The following RPS6KA2 variants were observed in gnomAD, a reference collection of about 807,000 sequenced individuals.
RPS6KA2 encodes the protein ribosomal protein S6 kinase alpha-2.
RPS6KA2 carries 42 observed loss-of-function variants against 91.8 expected under a neutral mutation model. That is an observed-to-expected ratio of 0.46 (90% CI 0.36 to 0.59). The LOEUF (loss-of-function observed/expected upper bound fraction) is 0.59, where lower values mean the gene tolerates loss of function less well. RPS6KA2 is among the 20% of genes least tolerant of loss of function. The probability of loss-of-function intolerance (pLI) is 0.00; values close to 1 mark genes in which losing one functional copy is unlikely to be tolerated. For missense variants in RPS6KA2, 798 were observed against 978.5 expected (o/e 0.82, Z 2.46); for synonymous variants, 414 against 393.6 (o/e 1.05, Z -0.61).
rs186791790 is a variant in RPS6KA2 at position 166,701,133 on chromosome 6, C to T, written c.123+157067G>A. 163 of 1,611,944 alleles carry T rather than the reference C, an allele frequency of 1.0e-4. No individual in the cohort carries two copies. The East Asian group carries it at 2.3e-3, about 23-fold the overall frequency. ...ACTGAGGTGGTCCACTTTGCAGAGC[C>T]TTCTGTTGTTGCTGCTGCTTTACCT... is the stretch of plus-strand genomic sequence containing the variant. On this transcript the variant is annotated intron_variant, in intron 2 of 21. Coordinates refer to the RPS6KA2 transcript ENST00000503859.
In RPS6KA2 at chr6:166,410,081, T is replaced by G. The variant is rs1296436302; in HGVS notation, c.*2681A>C. On this transcript the variant is annotated 3_prime_UTR_variant, in exon 21 of 21. Coordinates refer to ENST00000265678, the MANE Select transcript of RPS6KA2 (RefSeq NM_021135.6). Reference sequence around the variant, plus strand: ...GGGCTGCCAGGGAAGGAGGACCCTATAGGGTGGCCAGCAAGGGGCCACTGG... The same window carrying G: ...GGGCTGCCAGGGAAGGAGGACCCTAGAGGGTGGCCAGCAAGGGGCCACTGG... The G allele has an allele frequency of 6.7e-6, 1 of 150,250 alleles. No individual in the cohort carries two copies. Among genetic ancestry groups the G allele is most frequent in the Non-Finnish European group, 1.5e-5 (1 of 67,822 alleles). The allele number at this position is 150,250 out of a possible 1,614,324, so 9.3% of individuals were successfully genotyped here. A position where few individuals can be genotyped will look rare whatever the true frequency, so the allele number is the denominator to read the frequency against.
At chr6:166,669,380 G>T (rs916746875) in intron 2 of RPS6KA2, among the ~76,000 whole-genome samples, 4 of 152,124 alleles carry the variant, frequency 2.6e-5, no homozygotes, top group African/African-American at 9.7e-5. Context: ...TGTGTAGAGG[G>T]TGGGTTTGGA....
rs114054445 is a variant in RPS6KA2 at position 166,687,080 on chromosome 6, C to A, written c.124-148296G>T. Among the ~76,000 whole-genome samples, 579 of 152,306 alleles carry A rather than the reference C, an allele frequency of 3.8e-3. 4 individuals carry two copies. The highest frequency in any genetic ancestry group is 0.013 in the African/African-American group (551 of 41,564). On this transcript the variant is annotated intron_variant, in intron 2 of 21. Coordinates refer to the RPS6KA2 transcript ENST00000503859. ...TCTGCCCTGCCTTCACGGACACCTG[C>A]GACTCTGCCTGGGCCGTGGAGATCC...
intron 2 of RPS6KA2, among the ~76,000 whole-genome samples, chr6:166,724,460 T>C (rs1790278259): frequency 6.6e-6 from 1 of 151,954 alleles, no homozygotes; most frequent in Non-Finnish European, 1.5e-5. Flanking sequence ...AACACCAAAA[T>C]CCTTTTATAC....
chr6:166,651,937 G>A (rs1414994679), intron 2 of RPS6KA2, among the ~76,000 whole-genome samples: 2 of 152,280 alleles, frequency 1.3e-5, no homozygotes, highest in Non-Finnish European at 2.9e-5. Context: ...TGACAACGTG[G>A]AGCCGGGATG....
intron 2 of RPS6KA2, among the ~76,000 whole-genome samples, chr6:166,534,065 A>G (rs1783389296): frequency 6.6e-6 from 1 of 152,100 alleles, no homozygotes; most frequent in Non-Finnish European, 1.5e-5. Context: ...TACTAAAAAT[A>G]CAAAAAATTA....
At chr6:166,788,709 G>A (rs772713117) in intron 2 of RPS6KA2, among the ~76,000 whole-genome samples, 1 of 152,150 alleles carries the variant, frequency 6.6e-6, no homozygotes, top group Non-Finnish European at 1.5e-5. Context: ...AGGGGAGGGA[G>A]AGCATCAGGA....
chr6:166,445,578 C>A lies in RPS6KA2; in HGVS notation c.1332+3146G>T, dbSNP rs1477623216. On this transcript the variant is annotated intron_variant, in intron 14 of 20. Coordinates refer to ENST00000265678, the MANE Select transcript of RPS6KA2 (RefSeq NM_021135.6). The surrounding 1 kb of genome is among the most constrained non-coding windows in gnomAD (Gnocchi z 4.5). ...CATTGCCAGTGTCCCCTGGGGGCCA[C>A]AGTTACCCCAAATGAATATGACTGC... Among the ~76,000 whole-genome samples the A allele has an allele frequency of 6.6e-6, 1 of 152,204 alleles. No homozygotes were observed. Among genetic ancestry groups the A allele is most frequent in the African/African-American group, 2.4e-5 (1 of 41,442 alleles).
chr6:166,841,701 G>C (rs1226411531), intron 2 of RPS6KA2, among the ~76,000 whole-genome samples: 2 of 152,236 alleles, frequency 1.3e-5, no homozygotes, highest in African/African-American at 4.8e-5. Context: ...TAAGGAAAAG[G>C]TGAGAGGGGG....
chr6:166,412,783 T>G lies in RPS6KA2; in HGVS notation c.2181A>C (p.Arg727Ser). Residue 727 changes from arginine (R) to serine (S), a missense_variant, in exon 21 of 21, where the codon AGA becomes AGC. Arg to Ser is a moderately radical substitution (Grantham distance 110, BLOSUM62 -1). Coordinates refer to ENST00000265678, the MANE Select transcript of RPS6KA2 (RefSeq NM_021135.6). The surrounding 1 kb of genome is among the most constrained non-coding windows in gnomAD (Gnocchi z 4.3). ...CCCGCTACAGCCGCGTGGACGTGAG[T>G]CTCTTCATGCCTCTGCGCTGAGCCA... ...SNLAQRRGMK[R>S]LTSTRL is the part of the protein sequence containing the mutation. The G allele has an allele frequency of 6.3e-7, 1 of 1,598,006 alleles. No homozygotes were observed. The highest frequency in any genetic ancestry group is 8.5e-7 in the Non-Finnish European group (1 of 1,174,014).
intron 1 of RPS6KA2, among the ~76,000 whole-genome samples, chr6:166,569,588 T>C (rs928414246): frequency 2.0e-5 from 3 of 152,154 alleles, no homozygotes; most frequent in Non-Finnish European, 4.4e-5. Flanking sequence ...GGACCTGCTC[T>C]CATGAGGGGT....
rs145386371 is a variant in RPS6KA2, at chr6:166,787,587, T to C, written c.123+70613A>G. ...ATTACATTTAAATTTATTTTAAGCA[T>C]TTATACCCTTCACTGGGAAAACTGA... On this transcript the variant is annotated intron_variant, in intron 2 of 21. Transcript: ENST00000503859. Among the ~76,000 whole-genome samples the C allele has an allele frequency of 2.1e-3, 313 of 152,276 alleles. 2 individuals carry two copies. The highest frequency in any genetic ancestry group is 0.014 in the Middle Eastern group (4 of 294).
intron 10 of RPS6KA2, among the ~76,000 whole-genome samples, chr6:166,484,971 C>A (rs187278794): frequency 6.6e-6 from 1 of 152,346 alleles, no homozygotes; most frequent in Admixed American, 6.5e-5. Flanking sequence ...GCCAAGGCAT[C>A]TTCTCATCCT....
intron 2 of RPS6KA2, among the ~76,000 whole-genome samples, chr6:166,760,179 T>G (rs1276725476): frequency 6.6e-6 from 1 of 152,246 alleles, no homozygotes; most frequent in African/African-American, 2.4e-5. Flanking sequence ...TAGGGCAATG[T>G]TCCCAGCTTA....
intron 2 of RPS6KA2, among the ~76,000 whole-genome samples, chr6:166,840,828 T>C (rs913250552): frequency 6.6e-6 from 1 of 151,990 alleles, no homozygotes; most frequent in Non-Finnish European, 1.5e-5. Context: ...CCAGGTGTGG[T>C]GGTGCATGCC....
At chr6:166,476,381 TCA>T (rs892387436) in intron 10 of RPS6KA2, among the ~76,000 whole-genome samples, 8 of 152,266 alleles carry the variant, frequency 5.3e-5, no homozygotes, top group African/African-American at 1.9e-4. Context: ...CCCAAGAAAC[TCA>T]CACAGAGGGG....
At chr6:166,605,123 C>T (rs887375713) in intron 1 of RPS6KA2, among the ~76,000 whole-genome samples, 2 of 152,156 alleles carry the variant, frequency 1.3e-5, no homozygotes, top group Admixed American at 6.5e-5. Flanking sequence ...CAGATTCTGG[C>T]GGGAGATGAT....
intron 1 of RPS6KA2, among the ~76,000 whole-genome samples, chr6:166,565,713 C>T (rs1473133088): frequency 6.6e-6 from 1 of 152,216 alleles, no homozygotes; most frequent in Non-Finnish European, 1.5e-5. Context: ...CAGCCTGATA[C>T]TGGACAGAGC....
chr6:166,621,906 T>C (rs956524456), intron 1 of RPS6KA2, among the ~76,000 whole-genome samples: 3 of 152,190 alleles, frequency 2.0e-5, no homozygotes, highest in Non-Finnish European at 4.4e-5. Context: ...CCCTGGAAGC[T>C]GCCTCAGAGA....
Sources: gnomAD v4.1 joint callset for allele counts (sites outside exome capture counted in the v4.1 genomes callset) on GRCh38, gnomAD v4.1.1 for gene constraint, Gnocchi (gnomAD v3.1) non-coding constraint, MANE v1.5 for transcripts, NCBI Gene and HGNC (gene_info 2026-07-23, HGNC 2026-07-21) for gene names.